SULT6B1: variants seen among roughly 807,000 people sequenced by gnomAD.
SULT6B1 encodes sulfotransferase family 6B member 1.
SULT6B1 carries 44 observed loss-of-function variants against 37.2 expected under a neutral mutation model. The ratio of observed to expected loss-of-function variants is 1.18; its 90% CI spans 0.93 to 1.52. SULT6B1 has a LOEUF of 1.52. Among genes scored for constraint, SULT6B1 ranks in the 40% most tolerant of loss-of-function variants. The pLI is 0.00. For missense variants in SULT6B1, 450 were observed against 361.0 expected (o/e 1.25, Z -2.00); for synonymous variants, 140 against 126.0 (o/e 1.11, Z -0.74).
In SULT6B1 at chr2:37,179,460, T is replaced by C; in HGVS notation, c.527A>G (p.Gln176Arg). Residue 176 changes from glutamine to arginine, a missense_variant and splice_region_variant, in exon 4 of 7, where the codon CAA becomes CGA. Transcript: ENST00000535679. ...DEFFRQFMKG[Q>R]VSWGRYFDFA... ...AATTCTTTTACCAACAGCCATACCT[T>C]GTCCTTTCATGAACTGTCTGAAGAA... is the stretch of plus-strand genomic sequence containing the variant. 1.9e-6 allele frequency: 3 copies of C among 1,613,532 alleles called. No homozygotes were observed. The highest frequency in any genetic ancestry group is 2.5e-6 in the Non-Finnish European group (3 of 1,179,958).
At chr2:37,180,239 C>G (rs555044525) in intron 3 of SULT6B1, among the ~76,000 whole-genome samples, 1 of 152,318 alleles carries the variant, frequency 6.6e-6, no homozygotes, top group South Asian at 2.1e-4. Context: ...GACACATGAT[C>G]CAGCATGTTC....
chr2:37,175,302 A>G (rs1471373371), intron 4 of SULT6B1, 76 bp from the exon 5 acceptor site: 3 of 772,428 alleles, frequency 3.9e-6, no homozygotes, highest in Non-Finnish European at 6.1e-6. Context: ...TATGCTATAA[A>G]ATATAAACTA....
upstream of SULT6B1, among the ~76,000 whole-genome samples, chr2:37,193,582 AAAGAAGAAGAAGAAAAAGAAGAAGAAG>A (rs1676826282): frequency 8.0e-6 from 1 of 125,338 alleles, no homozygotes; most frequent in African/African-American, 2.9e-5. Context: ...AAAAGAAGAA[AAAGAAGAAGAAGAAAAAGAAGAAGAAG>A]AAGAAGAAGA....
At chr2:37,180,306 T>C (rs1676523609) in intron 3 of SULT6B1, among the ~76,000 whole-genome samples, 1 of 152,222 alleles carries the variant, frequency 6.6e-6, no homozygotes, top group African/African-American at 2.4e-5. Context: ...CAGGCAGAAG[T>C]CATTTCATTT....
chr2:37,169,131 A>C (rs1443789437), intron 6 of SULT6B1, among the ~76,000 whole-genome samples: 1 of 152,236 alleles, frequency 6.6e-6, no homozygotes, highest in African/African-American at 2.4e-5. Context: ...ACGTTTTTAA[A>C]ACTATTACTT....
intron 1 of SULT6B1, chr2:37,194,793 CTCTTT>C (rs1676860489): frequency 6.5e-6 from 1 of 154,896 alleles, no homozygotes; most frequent in Non-Finnish European, 1.4e-5. Flanking sequence ...TTTTTTTCTC[CTCTTT>C]TCTTTTTTTC....
chr2:37,179,243 C>T (rs1209999063), intron 4 of SULT6B1, among the ~76,000 whole-genome samples: 5 of 152,208 alleles, frequency 3.3e-5, no homozygotes, highest in African/African-American at 1.2e-4. Context: ...CAGGCGTGAG[C>T]CACCACACCT....
chr2:37,187,132 C>A (rs1358360082), intron 2 of SULT6B1, among the ~76,000 whole-genome samples: 3 of 152,180 alleles, frequency 2.0e-5, no homozygotes, highest in African/African-American at 7.2e-5. Context: ...GTCCCTTGAC[C>A]TTGGGCAAGT....
rs554894343 is a variant in SULT6B1 at position 37,171,483 on chromosome 2, C to T, written c.732G>A (p.Ala244=). 25 of 1,614,162 alleles carry T rather than the reference C, an allele frequency of 1.5e-5. No homozygotes were observed. The highest frequency in any genetic ancestry group is 6.6e-5 in the South Asian group (6 of 91,070). ...CAGCACCGTGTGTGTCCTGAGACTT[C>T]GCACGCATGGCTTGGAAGGTGCTCT... is the stretch of plus-strand genomic sequence containing the variant. ...SVQSTFQAMR[A]KSQDTHGAVG... is the part of the protein sequence containing the mutation. The change falls in exon 6 of 7, where the codon GCG becomes GCA. Residue 244 remains alanine (A), a synonymous_variant. Coordinates refer to ENST00000535679, the MANE Select transcript of SULT6B1 (RefSeq NM_001367551.1).
upstream of SULT6B1, among the ~76,000 whole-genome samples, chr2:37,192,776 ATCTTGTT>A (rs1186917929): frequency 6.6e-6 from 1 of 152,148 alleles, no homozygotes; most frequent in African/African-American, 2.4e-5. Context: ...AATGGGTTGG[ATCTTGTT>A]CTGACACTAA....
At chr2:37,191,646 C>A (rs1226210939), upstream of SULT6B1, among the ~76,000 whole-genome samples, 4 of 152,188 alleles carry the variant, frequency 2.6e-5, no homozygotes, top group Non-Finnish European at 5.9e-5. Context: ...TTTTATTGAA[C>A]AATGGAACAG....
chr2:37,177,023 G>A (rs560949952), intron 4 of SULT6B1, among the ~76,000 whole-genome samples: 1 of 152,068 alleles, frequency 6.6e-6, no homozygotes, highest in Non-Finnish European at 1.5e-5. Context: ...CAGAGGTGCA[G>A]GCCAGAGATC....
intron 4 of SULT6B1, among the ~76,000 whole-genome samples, chr2:37,177,072 T>C (rs1676446718): frequency 6.6e-6 from 1 of 151,958 alleles, no homozygotes; most frequent in Admixed American, 6.6e-5. Context: ...TCCTGTTAAA[T>C]GAGAAAAACA....
intron 6 of SULT6B1, among the ~76,000 whole-genome samples, chr2:37,169,642 C>G (rs549019728): frequency 6.6e-6 from 1 of 152,234 alleles, no homozygotes; most frequent in South Asian, 2.1e-4. Flanking sequence ...GCGCCCGCCA[C>G]CACGTCCAGC....
intron 2 of SULT6B1, among the ~76,000 whole-genome samples, chr2:37,184,925 G>A (rs1362218668): frequency 1.3e-5 from 2 of 152,084 alleles, no homozygotes; most frequent in African/African-American, 4.8e-5. Context: ...TTAAATCAAT[G>A]ATATGGATCC....
At position 37,176,260 on chromosome 2, in the gene SULT6B1, C is replaced by CTTT. The variant is rs34578951; in HGVS notation, c.530-1037_530-1035dup. On this transcript the variant is annotated intron_variant, in intron 4 of 6. Coordinates refer to ENST00000535679, the MANE Select transcript of SULT6B1 (RefSeq NM_001367551.1). ...CCTGCTTCATAGTAACACGCAATAG[C>CTTT]TTTTTTTTTTTTTTTTTTTTGAGAT... Among the ~76,000 whole-genome samples, 202 of 112,554 alleles carry CTTT rather than the reference C, an allele frequency of 1.8e-3. 5 individuals carry two copies. Among genetic ancestry groups the CTTT allele is most frequent in the South Asian group, 3.9e-3 (13 of 3,348 alleles). 73.8% of individuals were successfully genotyped at this position (112,554 alleles called of 152,430 possible).
intron 1 of SULT6B1, among the ~76,000 whole-genome samples, chr2:37,187,974 G>A (rs1676709501): frequency 6.6e-6 from 1 of 152,176 alleles, no homozygotes; most frequent in African/African-American, 2.4e-5. Context: ...ATTTTCCGTT[G>A]ATGAAGGATC....
In SULT6B1 at chr2:37,183,425, C is replaced by T. The variant is rs1292067927; in HGVS notation, c.402G>A (p.Lys134=). ...ATTATCAGTAGGAAAGGACACTCAC[C>T]TTGGCTTTATTCTCGAAGATAGACC... The part of the protein sequence containing the change: ...LPGSIFENKA[K]ILVIFRNPKD... Residue 134 remains lysine (K), a splice_region_variant and synonymous_variant, in exon 3 of 7, where the codon AAG becomes AAA. Coordinates refer to ENST00000535679, the MANE Select transcript of SULT6B1 (RefSeq NM_001367551.1). 2 of 1,612,848 alleles carry T rather than the reference C, an allele frequency of 1.2e-6. No individual in the cohort carries two copies. The highest frequency in any genetic ancestry group is 1.7e-6 in the Non-Finnish European group (2 of 1,178,944).
At chr2:37,193,614 A>AGAAGAAGAAGAAGAAGAAGAG (rs1676830032), upstream of SULT6B1, among the ~76,000 whole-genome samples, 6 of 149,482 alleles carry the variant, frequency 4.0e-5, no homozygotes, top group African/African-American at 1.5e-4. Context: ...AAGAAGAAGA[A>AGAAGAAGAAGAAGAAGAAGAG]GAAGAAGAAG....
Sources: allele counts gnomAD v4.1 joint callset (sites outside exome capture counted in the v4.1 genomes callset), GRCh38; gene constraint gnomAD v4.1.1; transcripts MANE v1.5; gene names NCBI Gene and HGNC (gene_info 2026-07-23, HGNC 2026-07-21).